The following EML6 variants were observed in gnomAD, a reference collection of about 807,000 sequenced individuals.
EML6 encodes the protein EMAP like 6, also known as echinoderm microtubule-associated protein-like 6.
EML6 carries 154 observed loss-of-function variants against 240.1 expected under a neutral mutation model. That is an observed-to-expected ratio of 0.64 (90% confidence interval 0.56 to 0.73). The LOEUF is 0.73. Ranked by LOEUF, EML6 falls within the 30% of genes least tolerant of loss-of-function variation. The pLI is 0.00. For synonymous variants in EML6, 1,148 were observed against 899.0 expected, an observed-to-expected ratio of 1.28 and a Z score of -4.95; for missense variants, 2,964 against 2,474.6, an observed-to-expected ratio of 1.20 and a Z score of -4.20.
At chr2:54,868,319 A>G (rs184123179) in intron 14 of EML6, 2 of 152,312 alleles carry the variant, frequency 1.3e-5, no homozygotes, top group East Asian at 3.9e-4. Context: ...ATTGTGACAT[A>G]TAATTATTAA....
At chr2:54,841,616 A>G (rs1669459633) in intron 7 of EML6, among the ~76,000 whole-genome samples, 2 of 133,486 alleles carry the variant, frequency 1.5e-5, no homozygotes, top group Admixed American at 7.5e-5. Context: ...TTTTGAGACA[A>G]TCTTGCTCTG....
intron 7 of EML6, among the ~76,000 whole-genome samples, chr2:54,840,744 C>T (rs1037045575): frequency 1.3e-5 from 2 of 152,160 alleles, no homozygotes; most frequent in Admixed American, 1.3e-4. Flanking sequence ...AGTCACTGTG[C>T]CAGGTATTGA....
chr2:54,921,499 A>G (rs528701100), intron 26 of EML6, among the ~76,000 whole-genome samples: 1 of 152,202 alleles, frequency 6.6e-6, no homozygotes, highest in Admixed American at 6.5e-5. Flanking sequence ...TGTTCACACT[A>G]CCCAAAAAAT....
intron 12 of EML6, among the ~76,000 whole-genome samples, chr2:54,862,711 A>G (rs1183225545): frequency 6.6e-6 from 1 of 152,230 alleles, no homozygotes; most frequent in Non-Finnish European, 1.5e-5. Context: ...ATGTACCCCA[A>G]GAAACATCTT....
At chr2:54,757,229 T>A (rs1368789172) in intron 2 of EML6, among the ~76,000 whole-genome samples, 5 of 152,190 alleles carry the variant, frequency 3.3e-5, no homozygotes, top group Admixed American at 3.3e-4. Flanking sequence ...ACTTTTAGGT[T>A]CAAGGCTTTC....
chr2:54,817,194 A>G (rs779672644), intron 4 of EML6, among the ~76,000 whole-genome samples: 11 of 152,260 alleles, frequency 7.2e-5, no homozygotes, highest in Non-Finnish European at 1.2e-4. Context: ...GTATTCATTT[A>G]GAAATGGAAA....
chr2:54,892,410 G>A, intron 18 of EML6, 44 bp from the exon 19 acceptor site: 1 of 1,354,424 alleles, frequency 7.4e-7, no homozygotes, highest in African/African-American at 1.5e-5. Context: ...CTTATAGGAA[G>A]TGCCAGATTT....
intron 41 of EML6, among the ~76,000 whole-genome samples, chr2:54,969,636 T>C (rs903948802): frequency 1.3e-5 from 2 of 152,190 alleles, no homozygotes; most frequent in African/African-American, 4.8e-5. Context: ...CAGACTTGTT[T>C]TAATATAAAA....
At chr2:54,849,937 A>G in intron 9 of EML6, 25 bp from the exon 10 acceptor site, 1 of 1,535,922 alleles carries the variant, frequency 6.5e-7, no homozygotes, top group Non-Finnish European at 8.8e-7. Context: ...ATTGCTGCTT[A>G]TCGTTTTGCT....
intron 2 of EML6, among the ~76,000 whole-genome samples, chr2:54,808,465 C>T (rs1670613703): frequency 6.6e-6 from 1 of 151,926 alleles, no homozygotes; most frequent in South Asian, 2.1e-4. Flanking sequence ...TCAAGGTTAT[C>T]TTCAGGGCAG....
At chr2:54,939,993 A>G (rs1214397208) in intron 28 of EML6, among the ~76,000 whole-genome samples, 3 of 152,224 alleles carry the variant, frequency 2.0e-5, no homozygotes, top group African/African-American at 7.2e-5. Flanking sequence ...ATTCTGCATT[A>G]ATATTTTAGT....
intron 2 of EML6, among the ~76,000 whole-genome samples, chr2:54,812,526 ATT>A (rs3841892): frequency 0.15 from 22,729 of 150,644 alleles, 1,875 homozygotes; most frequent in Middle Eastern, 0.19. Context: ...CATTAGGGTG[ATT>A]TTTTTTTTTT....
chr2:54,955,386 C>G (rs1268877088), intron 32 of EML6, among the ~76,000 whole-genome samples: 2 of 152,134 alleles, frequency 1.3e-5, no homozygotes, highest in African/African-American at 4.8e-5. Flanking sequence ...TTTGTCCTTT[C>G]AAGGGGTGTG....
chr2:54,885,118 C>G (rs1672054741), intron 17 of EML6, among the ~76,000 whole-genome samples: 1 of 152,084 alleles, frequency 6.6e-6, no homozygotes, highest in African/African-American at 2.4e-5. Flanking sequence ...GATTGCGCCA[C>G]TGCACTCCAG....
chr2:54,906,767 T>C (rs1357431961), intron 24 of EML6, among the ~76,000 whole-genome samples: 1 of 152,220 alleles, frequency 6.6e-6, no homozygotes. Flanking sequence ...GTCATCCTGA[T>C]ATTCCTGCAT....
chr2:54,745,247 A>G (rs922747014), intron 2 of EML6, among the ~76,000 whole-genome samples: 7 of 152,160 alleles, frequency 4.6e-5, no homozygotes, highest in African/African-American at 1.7e-4. Flanking sequence ...GGGACAGACT[A>G]TTCTTTTAAG....
At chr2:54,794,298 T>C (rs1164752366) in intron 2 of EML6, among the ~76,000 whole-genome samples, 3 of 152,176 alleles carry the variant, frequency 2.0e-5, no homozygotes, top group Non-Finnish European at 4.4e-5. Context: ...TTAATGTAGG[T>C]CACTCAGAGG....
At chr2:54,891,563 A>G (rs1470589216) in intron 18 of EML6, among the ~76,000 whole-genome samples, 1 of 152,168 alleles carries the variant, frequency 6.6e-6, no homozygotes, top group African/African-American at 2.4e-5. Flanking sequence ...TCTGCCCACA[A>G]ATAGGTGGTC....
At chr2:54,969,689 G>A (rs1676906801) in intron 41 of EML6, among the ~76,000 whole-genome samples, 1 of 152,188 alleles carries the variant, frequency 6.6e-6, no homozygotes, top group Non-Finnish European at 1.5e-5. Context: ...GCCTTTGTAG[G>A]CATGGGAGCA....
Sources: allele counts gnomAD v4.1 joint callset (sites outside exome capture counted in the v4.1 genomes callset), GRCh38; gene constraint gnomAD v4.1.1; transcripts MANE v1.5; gene names NCBI Gene and HGNC (gene_info 2026-07-23, HGNC 2026-07-21).